The following PHLDB3 variants were observed in gnomAD, a reference collection of about 807,000 sequenced individuals.
PHLDB3 encodes pleckstrin homology like domain family B member 3, also known as pleckstrin homology-like domain family B member 3.
PHLDB3 carries 86 observed loss-of-function variants against 85.7 expected under a neutral mutation model. The observed-to-expected ratio is 1.00, with a 90% CI of 0.84 to 1.20. The LOEUF is 1.20. Among genes scored for constraint, PHLDB3 ranks in the 50% most tolerant of loss-of-function variants. PHLDB3 has a pLI of 0.00. For missense variants in PHLDB3, 995 were observed against 873.0 expected (o/e 1.14, Z -1.76); for synonymous variants, 376 against 349.8 (o/e 1.07, Z -0.83).
rs76607614 is a variant in PHLDB3 at position 43,484,253 on chromosome 19, A to G, written c.1485+2013T>C. Among the ~76,000 whole-genome samples the G allele has an allele frequency of 9.4e-5, 13 of 138,662 alleles. No individual in the cohort carries two copies. The East Asian group carries it at 1.2e-3, about 13-fold the overall frequency. 91.0% of individuals were successfully genotyped at this position (138,662 alleles called of 152,430 possible). ...GCAACAAAGTGAGACTCCATCTTGG[A>G]AAAAAAAAAAAAAAAGGAAAAGAAA... is the stretch of plus-strand genomic sequence containing the variant. On this transcript the variant is annotated intron_variant, in intron 13 of 15. Transcript: ENST00000292140.
intron 14 of PHLDB3, among the ~76,000 whole-genome samples, chr19:43,478,537 C>T (rs918305196): frequency 2.0e-5 from 3 of 152,162 alleles, no homozygotes; most frequent in African/African-American, 7.2e-5. Context: ...GCACAAGTCA[C>T]ACAGCCAGAG....
At position 43,497,809 on chromosome 19, in the gene PHLDB3, T is replaced by C. The variant is rs770748478; in HGVS notation, c.602A>G (p.Gln201Arg). 8.3e-6 allele frequency: 13 copies of C among 1,562,042 alleles called. No homozygotes were observed. The highest frequency in any genetic ancestry group is 1.0e-5 in the Non-Finnish European group (12 of 1,153,158). Residue 201 changes from glutamine to arginine, a missense_variant, in exon 5 of 16, where the codon CAG becomes CGG. Gln to Arg is a conservative substitution (Grantham distance 43, BLOSUM62 1). Coordinates refer to ENST00000292140, the MANE Select transcript of PHLDB3 (RefSeq NM_198850.4). Reference protein sequence around the residue: ...EGLRQRLRKAQGQLDSQPEDQ... With the variant: ...EGLRQRLRKARGQLDSQPEDQ... ...CTCTGGCTGTGAGTCGAGCTGTCCC[T>C]GGGCCTTGCGGAGTCTCTGGCGAAG...
At position 43,475,541 on chromosome 19, in the gene PHLDB3, G is replaced by A. The variant is rs746726542; in HGVS notation, c.1792C>T (p.Pro598Ser). 1 of 1,613,876 alleles carries A rather than the reference G, an allele frequency of 6.2e-7. No homozygotes were observed. Among genetic ancestry groups the A allele is most frequent in the South Asian group, 1.1e-5 (1 of 91,074 alleles). The change falls in exon 16 of 16, where the codon CCC (proline) becomes TCC (serine). Residue 598 changes from proline to serine, a missense_variant. By Grantham distance (74) the Pro-to-Ser change is moderately conservative. Transcript: ENST00000292140. ...YDHLRCAFKS[P>S]NPRLTFCVKT... ...ACGCAGAAGGTCAGGCGGGGGTTGG[G>A]GCTCTGGAATAAGCAGAAAGTGAGG...
intron 12 of PHLDB3, 83 bp downstream of exon 12, chr19:43,486,526 G>T: frequency 1.4e-6 from 2 of 1,479,760 alleles, no homozygotes; most frequent in Non-Finnish European, 1.8e-6. Flanking sequence ...GTCTGAGGGA[G>T]GTGGAGTTGG....
chr19:43,494,935 A>C lies in PHLDB3; in HGVS notation c.1036-120T>G. On this transcript the variant is annotated intron_variant, in intron 8 of 15. Transcript: ENST00000292140. ...CATTTCTCAGAAAGAAAAACTAAGG[A>C]GAGATGGAATGTGGTCCTTCGTGTC... 8 of 722,362 alleles carry C rather than the reference A, an allele frequency of 1.1e-5. No homozygotes were observed. In the South Asian group the frequency reaches 1.4e-4, roughly 13 times the overall value. 44.7% of individuals were successfully genotyped at this position (722,362 alleles called of 1,614,324 possible).
At position 43,504,157 on chromosome 19, in the gene PHLDB3, C is replaced by A. The variant is rs780376168; in HGVS notation, c.-14-25G>T. ...CCTGCGGGGTGGGCGGGACCAGAAGCTCCGGGGGCGGGGCCTAGGACGGCT... is the reference window on the plus strand; with the variant it reads ...CCTGCGGGGTGGGCGGGACCAGAAGATCCGGGGGCGGGGCCTAGGACGGCT... On this transcript the variant is annotated intron_variant, in intron 1 of 15. Coordinates refer to ENST00000292140, the MANE Select transcript of PHLDB3 (RefSeq NM_198850.4). 6 of 1,537,514 alleles carry A rather than the reference C, an allele frequency of 3.9e-6. No homozygotes were observed. In the African/African-American group the frequency reaches 8.2e-5, roughly 21 times the overall value.
Position 43,475,370 on chromosome 19 carries a change from G to A in PHLDB3, c.*40C>T, listed in dbSNP as rs1272899637. 1.3e-6 allele frequency: 2 copies of A among 1,595,092 alleles called. No individual in the cohort carries two copies. The highest frequency in any genetic ancestry group is 1.7e-4 in the Middle Eastern group (1 of 5,832). Reference sequence around the variant, plus strand: ...GAACGCCCCCGCGCCCCGCGCCGGCGGAGCCTCGAAGGGACTTCCCCCCAA... The same window carrying A: ...GAACGCCCCCGCGCCCCGCGCCGGCAGAGCCTCGAAGGGACTTCCCCCCAA... On this transcript the variant is annotated 3_prime_UTR_variant, in exon 16 of 16. Coordinates refer to ENST00000292140, the MANE Select transcript of PHLDB3 (RefSeq NM_198850.4).
intron 9 of PHLDB3, among the ~76,000 whole-genome samples, chr19:43,489,868 G>A (rs375934716): frequency 2.6e-5 from 4 of 151,854 alleles, no homozygotes; most frequent in South Asian, 2.1e-4. Context: ...TAAGCTGGGC[G>A]TGGTGGTGGG....
At chr19:43,497,076 G>C in intron 6 of PHLDB3, 42 bp downstream of exon 6, 1 of 1,400,290 alleles carries the variant, frequency 7.1e-7, no homozygotes, top group South Asian at 1.7e-5. Flanking sequence ...GGGAGACAGA[G>C]AGGAGCAGCA....
intron 5 of PHLDB3, among the ~76,000 whole-genome samples, chr19:43,497,509 C>T (rs547626955): frequency 6.6e-6 from 1 of 152,152 alleles, no homozygotes; most frequent in Admixed American, 6.6e-5. Context: ...GTCAGGAGTT[C>T]GAAACCAGCC....
At chr19:43,480,396 G>A (rs1380650397) in intron 13 of PHLDB3, among the ~76,000 whole-genome samples, 1 of 151,422 alleles carries the variant, frequency 6.6e-6, no homozygotes, top group Admixed American at 6.6e-5. Context: ...TTGGAGACCA[G>A]CCTGGGCAAT....
At position 43,503,880 on chromosome 19, in the gene PHLDB3, C is replaced by T. The variant is rs74505048; in HGVS notation, c.213+26G>A. The T allele has an allele frequency of 1.3e-3, 2,119 of 1,613,018 alleles. 17 individuals are homozygous for T. The African/African-American group carries it at 0.025, about 19-fold the overall frequency. On this transcript the variant is annotated intron_variant, in intron 2 of 15. Coordinates refer to ENST00000292140, the MANE Select transcript of PHLDB3 (RefSeq NM_198850.4). ...TGGGTCCCCGTCGGTCCAAGCCCCCCGCGCTGTCGCCCTCGGGCCCCTCAC... is the reference window on the plus strand; with the variant it reads ...TGGGTCCCCGTCGGTCCAAGCCCCCTGCGCTGTCGCCCTCGGGCCCCTCAC...
rs1971627603 is a variant in PHLDB3, at chr19:43,502,300, C to T, written c.214-17G>A. 6.5e-7 allele frequency: 1 copy of T among 1,542,854 alleles called. No homozygotes were observed. Among genetic ancestry groups the T allele is most frequent in the East Asian group, 2.4e-5 (1 of 41,344 alleles). ...AGCCTCGGGCTGAAGTTGAGGGGGG[C>T]GTGGTTAAGTGGAGATGCCTCGCCC... is the stretch of plus-strand genomic sequence containing the variant. On this transcript the variant is annotated splice_polypyrimidine_tract_variant and intron_variant, in intron 2 of 15. Coordinates refer to ENST00000292140, the MANE Select transcript of PHLDB3 (RefSeq NM_198850.4).
chr19:43,502,411 A>T, intron 2 of PHLDB3, 128 bp from the exon 3 acceptor site: 1 of 740,794 alleles, frequency 1.3e-6, no homozygotes, highest in Non-Finnish European at 2.0e-6. Flanking sequence ...TAACACAACC[A>T]CCACTCCCAT....
chr19:43,483,432 C>T (rs948855413), intron 13 of PHLDB3, among the ~76,000 whole-genome samples: 1 of 152,010 alleles, frequency 6.6e-6, no homozygotes, highest in African/African-American at 2.4e-5. Context: ...GCATGCACCA[C>T]CACACCTGCT....
In PHLDB3 at chr19:43,486,713, C is replaced by G. The variant is rs754699738; in HGVS notation, c.1341-17G>C. ...GCCCCACAGCTAGGAGGAGGGAACA[C>G]AGACGGGGTGGGTTACAGTGGCTGG... On this transcript the variant is annotated splice_polypyrimidine_tract_variant and intron_variant, in intron 11 of 15. Transcript: ENST00000292140. 1.2e-6 allele frequency: 2 copies of G among 1,613,622 alleles called. No homozygotes were observed. Among genetic ancestry groups the G allele is most frequent in the African/African-American group, 2.7e-5 (2 of 74,928 alleles).
intron 4 of PHLDB3, 105 bp downstream of exon 4, chr19:43,501,629 C>G: frequency 6.6e-7 from 1 of 1,509,224 alleles, no homozygotes; most frequent in Non-Finnish European, 8.8e-7. Flanking sequence ...AAATGTCTTC[C>G]TTTGGGGAAT....
At chr19:43,492,861 A>T (rs1314300665) in intron 9 of PHLDB3, among the ~76,000 whole-genome samples, 3 of 152,046 alleles carry the variant, frequency 2.0e-5, no homozygotes, top group Non-Finnish European at 4.4e-5. Flanking sequence ...ACTCAATAAA[A>T]CCATTGTTAT....
intron 13 of PHLDB3, among the ~76,000 whole-genome samples, chr19:43,481,742 C>T (rs1217673826): frequency 6.7e-6 from 1 of 149,002 alleles, no homozygotes; most frequent in Non-Finnish European, 1.5e-5. Context: ...TGCAGTGAGC[C>T]GAGATCACAC....
Sources: allele counts gnomAD v4.1 joint callset (sites outside exome capture counted in the v4.1 genomes callset), GRCh38; gene constraint gnomAD v4.1.1; transcripts MANE v1.5; gene names NCBI Gene and HGNC (gene_info 2026-07-23, HGNC 2026-07-21).